Variants in MYO10 observed in about 807,000 individuals in gnomAD.
MYO10 encodes the protein unconventional myosin-X.
Under a neutral mutation model 257.3 loss-of-function variants are expected in MYO10, and 133 were observed. The observed-to-expected ratio is 0.52, with a 90% CI of 0.45 to 0.60. MYO10 has a LOEUF of 0.60. MYO10 is among the 20% of genes least tolerant of loss of function. The pLI, the probability that MYO10 is intolerant of heterozygous loss-of-function variation, is 0.00. For missense variants in MYO10, 2,399 were observed against 2,635.7 expected (o/e 0.91, Z 1.97); for synonymous variants, 1,104 against 1,028.6 (o/e 1.07, Z -1.40).
intron 26 of MYO10, 125 bp downstream of exon 26, chr5:16,699,325 C>A (rs908549590): frequency 2.3e-6 from 3 of 1,286,508 alleles, no homozygotes; most frequent in Non-Finnish European, 3.1e-6. Flanking sequence ...ACGACTTTCC[C>A]AGTCCCCATC....
chr5:16,903,956 C>T (rs1745452727), intron 1 of MYO10, among the ~76,000 whole-genome samples: 1 of 152,190 alleles, frequency 6.6e-6, no homozygotes, highest in Admixed American at 6.6e-5. Context: ...TGACATCCAA[C>T]TCTAAGATCC....
chr5:16,689,891 T>G lies in MYO10; in HGVS notation c.3829A>C (p.Asn1277His). 6.2e-7 allele frequency: 1 copy of G among 1,613,630 alleles called. No homozygotes were observed. The highest frequency in any genetic ancestry group is 8.5e-7 in the Non-Finnish European group (1 of 1,179,694). Residue 1277 changes from asparagine (N) to histidine (H), a missense_variant, in exon 28 of 41, where the codon AAT (asparagine) becomes CAT (histidine). Physicochemically the swap from Asn to His is moderately conservative, Grantham distance 68. This residue lies in a region of MYO10 where 1,820 missense variants were observed against 1,939.4 expected (regional missense o/e 0.94). Coordinates refer to ENST00000513610, the MANE Select transcript of MYO10 (RefSeq NM_012334.3). ...TCGGCCATAATGATGTCGATCCCAT[T>G]CTCCTTGGTGGTGTTATCTATGATC... ...KEIIDNTTKE[N>H]GIDIIMADRT...
At chr5:16,869,168 G>T (rs1273687002) in intron 2 of MYO10, among the ~76,000 whole-genome samples, 1 of 149,518 alleles carries the variant, frequency 6.7e-6, no homozygotes, top group Admixed American at 6.7e-5. Flanking sequence ...GGGACTACAG[G>T]CACCCACCAC....
chr5:16,737,705 C>A (rs1454962097), intron 19 of MYO10, among the ~76,000 whole-genome samples: 1 of 152,140 alleles, frequency 6.6e-6, no homozygotes, highest in Non-Finnish European at 1.5e-5. Context: ...GGTTTTGCCC[C>A]CTGGGGGGCA....
chr5:16,695,674 C>T (rs1215157821), intron 26 of MYO10, among the ~76,000 whole-genome samples: 2 of 144,648 alleles, frequency 1.4e-5, no homozygotes, highest in Non-Finnish European at 3.1e-5. Context: ...TGCTCAAGAT[C>T]AACATCTGAC....
At chr5:16,672,225 G>A (rs936906953) in intron 37 of MYO10, among the ~76,000 whole-genome samples, 25 of 148,894 alleles carry the variant, frequency 1.7e-4, no homozygotes, top group African/African-American at 6.2e-4. Flanking sequence ...AACCCAGAAG[G>A]CAGAAGTTGC....
At chr5:16,726,621 G>T (rs1739376072) in intron 19 of MYO10, among the ~76,000 whole-genome samples, 1 of 152,142 alleles carries the variant, frequency 6.6e-6, no homozygotes. Context: ...TTCCTGAAAG[G>T]TGCAAATTCA....
Position 16,818,093 on chromosome 5 carries a change from C to T in MYO10, c.195G>A (p.Val65=). The T allele has an allele frequency of 6.2e-7, 1 of 1,612,044 alleles. No individual in the cohort carries two copies. The highest frequency in any genetic ancestry group is 8.5e-7 in the Non-Finnish European group (1 of 1,178,750). The stretch of plus-strand genomic sequence containing the variant: ...GCTCTGTCAAGGACGCCATGTCATC[C>T]ACGCCCTCCTCGTTCGTGGGGTGCA... The part of the protein sequence containing the change: ...TAMHPTNEEG[V]DDMASLTELH... The change falls in exon 3 of 41, where the codon GTG becomes GTA. Residue 65 remains valine, a synonymous_variant. Coordinates refer to ENST00000513610, the MANE Select transcript of MYO10 (RefSeq NM_012334.3).
intron 2 of MYO10, among the ~76,000 whole-genome samples, chr5:16,875,019 C>T (rs1580102124): frequency 6.6e-6 from 1 of 152,118 alleles, no homozygotes; most frequent in East Asian, 1.9e-4. Flanking sequence ...CCCATCAGAT[C>T]TCATGAGACT....
chr5:16,820,228 C>T (rs1204466714), intron 2 of MYO10, among the ~76,000 whole-genome samples: 1 of 152,232 alleles, frequency 6.6e-6, no homozygotes, highest in Non-Finnish European at 1.5e-5. Flanking sequence ...GTCAAAGCAG[C>T]CTTGGGGCAA....
At chr5:16,765,697 A>G (rs1220306663) in intron 11 of MYO10, among the ~76,000 whole-genome samples, 5 of 152,098 alleles carry the variant, frequency 3.3e-5, no homozygotes, top group Non-Finnish European at 7.4e-5. Flanking sequence ...TATATTTGTT[A>G]TTTTTCTTAT....
At chr5:16,711,346 C>T (rs1261635986) in intron 19 of MYO10, 101 bp from the exon 20 acceptor site, 5 of 1,180,494 alleles carry the variant, frequency 4.2e-6, no homozygotes, top group Non-Finnish European at 2.4e-6. Context: ...TACCCCGCTT[C>T]AAAACACATA....
intron 19 of MYO10, among the ~76,000 whole-genome samples, chr5:16,729,095 CTT>C (rs1189604864): frequency 2.6e-5 from 4 of 152,186 alleles, no homozygotes; most frequent in Admixed American, 2.0e-4. Flanking sequence ...TCTTTTGACT[CTT>C]TGAGATGCAT....
intron 2 of MYO10, among the ~76,000 whole-genome samples, chr5:16,841,151 A>C (rs987274229): frequency 3.3e-5 from 5 of 152,134 alleles, no homozygotes; most frequent in African/African-American, 9.7e-5. Flanking sequence ...ATCTCAAAAA[A>C]AAAAAAAAAG....
At chr5:16,675,275 C>T (rs1364928370) in intron 34 of MYO10, 125 bp from the exon 35 acceptor site, 1 of 892,896 alleles carries the variant, frequency 1.1e-6, no homozygotes, top group Admixed American at 2.5e-5. Context: ...CACCACACTC[C>T]CTATACATCT....
intron 4 of MYO10, among the ~76,000 whole-genome samples, chr5:16,787,476 T>C (rs1343627157): frequency 6.6e-6 from 1 of 152,142 alleles, no homozygotes; most frequent in Non-Finnish European, 1.5e-5. Flanking sequence ...CAGTTCCACT[T>C]GGTCCTCATT....
chr5:16,847,929 G>C (rs1257341299), intron 2 of MYO10, among the ~76,000 whole-genome samples: 3 of 152,104 alleles, frequency 2.0e-5, no homozygotes, highest in African/African-American at 7.2e-5. Context: ...TAAAATACTA[G>C]AACATCCAAA....
chr5:16,893,856 G>A (rs900583066), intron 1 of MYO10, among the ~76,000 whole-genome samples: 3 of 152,014 alleles, frequency 2.0e-5, no homozygotes, highest in Non-Finnish European at 2.9e-5. Context: ...GAAATTGGAG[G>A]GGACTCTTCT....
In MYO10 at chr5:16,877,715, CA is replaced by C. The variant is rs1487739142; in HGVS notation, c.22-9del. On this transcript the variant is annotated splice_polypyrimidine_tract_variant and intron_variant, in intron 1 of 40. Coordinates refer to ENST00000513610, the MANE Select transcript of MYO10 (RefSeq NM_012334.3). ...CAGCCAGACCCGTGTTCCCTGTAAA[CA>C]AAACAAACAAGACTGAACTGAGTTT... The C allele has an allele frequency of 3.1e-6, 5 of 1,605,760 alleles. No individual in the cohort carries two copies. In the South Asian group the frequency reaches 5.5e-5, roughly 18 times the overall value.
Sources: allele counts gnomAD v4.1 joint callset (sites outside exome capture counted in the v4.1 genomes callset), GRCh38; gene constraint gnomAD v4.1.1; regional missense constraint gnomAD v4.1.1; transcripts MANE v1.5; gene names NCBI Gene and HGNC (gene_info 2026-07-23, HGNC 2026-07-21).